DNAH3: variants seen among roughly 807,000 people sequenced by gnomAD.
The protein encoded by DNAH3 is dynein axonemal heavy chain 3, also known as axonemal beta dynein heavy chain 3.
A neutral mutation model predicts 432.5 loss-of-function variants in DNAH3; 332 were observed. The ratio of observed to expected loss-of-function variants is 0.77; its 90% confidence interval spans 0.70 to 0.84. The LOEUF is 0.84. Ranked by LOEUF, DNAH3 falls within the 40% of genes least tolerant of loss-of-function variation. DNAH3 has a pLI of 0.00. For missense variants in DNAH3, 4,861 were observed against 5,114.0 expected, an observed-to-expected ratio of 0.95 and a Z score of 1.51; for synonymous variants, 1,956 against 1,900.2, an observed-to-expected ratio of 1.03 and a Z score of -0.76.
chr16:21,060,445 C>T (rs1319141553), intron 25 of DNAH3, 89 bp from the exon 26 acceptor site: 26 of 911,942 alleles, frequency 2.9e-5, no homozygotes, highest in South Asian at 1.1e-4. Flanking sequence ...TCTCTGGACA[C>T]GGCTGGAGGG....
At chr16:20,951,703 G>C (rs1285664172) in intron 56 of DNAH3, among the ~76,000 whole-genome samples, 3 of 148,746 alleles carry the variant, frequency 2.0e-5, no homozygotes, top group Non-Finnish European at 3.0e-5. Context: ...CCAAAGTGCT[G>C]GGATTACAGG....
intron 44 of DNAH3, among the ~76,000 whole-genome samples, chr16:20,992,919 G>T (rs975295518): frequency 3.3e-5 from 5 of 152,088 alleles, no homozygotes; most frequent in Non-Finnish European, 5.9e-5. Flanking sequence ...AGGCTGGAGC[G>T]TAGTGGTGTG....
At chr16:21,127,121 A>G (rs189281461) in intron 8 of DNAH3, among the ~76,000 whole-genome samples, 132 of 152,118 alleles carry the variant, frequency 8.7e-4, no homozygotes, top group African/African-American at 3.1e-3. Flanking sequence ...TGTGGCCAAA[A>G]TGGGTGGGGA....
At chr16:21,133,697 G>A (rs1009897391) in intron 7 of DNAH3, among the ~76,000 whole-genome samples, 1 of 152,078 alleles carries the variant, frequency 6.6e-6, no homozygotes, top group Non-Finnish European at 1.5e-5. Flanking sequence ...CCAAGATCGC[G>A]CCATTGCACT....
At chr16:21,061,394 C>G (rs374579037) in intron 25 of DNAH3, among the ~76,000 whole-genome samples, 6 of 151,756 alleles carry the variant, frequency 4.0e-5, no homozygotes, top group Admixed American at 2.6e-4. Flanking sequence ...GCCACTACAC[C>G]TGGCTTTTTA....
exon 43 of DNAH3, chr16:21,000,438 T>C: frequency 6.2e-7 from 1 of 1,614,032 alleles, no homozygotes; most frequent in African/African-American, 1.3e-5. Flanking sequence ...CGAACAGCAT[T>C]GGAATCTCAT....
chr16:20,994,730 G>A (rs1639268931), intron 44 of DNAH3, among the ~76,000 whole-genome samples: 1 of 152,026 alleles, frequency 6.6e-6, no homozygotes, highest in Non-Finnish European at 1.5e-5. Flanking sequence ...CCTCGTATAA[G>A]TGGAATCATA....
intron 44 of DNAH3, among the ~76,000 whole-genome samples, chr16:20,989,970 T>TTG (rs2086469430): frequency 6.6e-6 from 1 of 152,158 alleles, no homozygotes; most frequent in Non-Finnish European, 1.5e-5. Flanking sequence ...CACCCGGAAC[T>TTG]CCAGCTGGCC....
chr16:20,982,792 G>A, exon 49 of DNAH3: 1 of 1,614,186 alleles, frequency 6.2e-7, no homozygotes, highest in South Asian at 1.1e-5. Context: ...GGGCATCTGT[G>A]GGCCAGGACT....
At chr16:20,964,568 A>C in exon 53 of DNAH3, 1 of 1,614,208 alleles carries the variant, frequency 6.2e-7, no homozygotes, top group Non-Finnish European at 8.5e-7. Flanking sequence ...CTATCAGAGA[A>C]CTTGATGACA....
At chr16:20,942,580 A>G (rs1177214025) in intron 58 of DNAH3, among the ~76,000 whole-genome samples, 1 of 152,164 alleles carries the variant, frequency 6.6e-6, no homozygotes, top group Non-Finnish European at 1.5e-5. Context: ...AGCAAATTCT[A>G]CAGTTGGGAG....
chr16:20,992,314 T>G (rs1272993630), intron 44 of DNAH3, among the ~76,000 whole-genome samples: 1 of 152,178 alleles, frequency 6.6e-6, no homozygotes, highest in Non-Finnish European at 1.5e-5. Context: ...ATCTGGTATA[T>G]CAAGACTTTA....
chr16:21,075,448 G>A (rs1403876663), exon 21 of DNAH3: 1 of 1,609,660 alleles, frequency 6.2e-7, no homozygotes, highest in Middle Eastern at 1.7e-4. Flanking sequence ...GAGACTCACA[G>A]TGTCCCTGTA....
chr16:20,996,287 G>A (rs533480852), intron 44 of DNAH3, among the ~76,000 whole-genome samples: 68 of 152,256 alleles, frequency 4.5e-4, no homozygotes, highest in Non-Finnish European at 2.8e-4. Context: ...ATACTGATAC[G>A]TGTAGATTTT....
At chr16:21,128,691 T>TA (rs11074482) in intron 7 of DNAH3, among the ~76,000 whole-genome samples, 33,545 of 138,418 alleles carry the variant, frequency 0.24, 4,150 homozygotes, top group African/African-American at 0.32. Flanking sequence ...GAGACTCGTC[T>TA]AAAAAAAAAA....
At chr16:21,099,293 A>G (rs916271765) in intron 16 of DNAH3, among the ~76,000 whole-genome samples, 6 of 146,426 alleles carry the variant, frequency 4.1e-5, no homozygotes, top group Non-Finnish European at 7.6e-5. Context: ...TGGATGGATG[A>G]ATGGATGGAT....
chr16:20,975,325 C>T, exon 51 of DNAH3: 2 of 1,614,178 alleles, frequency 1.2e-6, no homozygotes, highest in East Asian at 2.2e-5. Context: ...CTCGTCTCCG[C>T]TTCAATTTTC....
intron 8 of DNAH3, among the ~76,000 whole-genome samples, chr16:21,127,475 C>T (rs1392792805): frequency 1.3e-5 from 2 of 151,630 alleles, no homozygotes; most frequent in Non-Finnish European, 2.9e-5. Context: ...GCAGGATAAT[C>T]GCTTGAACCC....
intron 28 of DNAH3, among the ~76,000 whole-genome samples, chr16:21,054,137 G>A (rs939266577): frequency 6.6e-6 from 1 of 152,166 alleles, no homozygotes; most frequent in Non-Finnish European, 1.5e-5. Flanking sequence ...GGCTAGCCAA[G>A]GAAATGATTC....
Sources: allele counts gnomAD v4.1 joint callset (sites outside exome capture counted in the v4.1 genomes callset), GRCh38; gene constraint gnomAD v4.1.1; transcripts MANE v1.5; gene names NCBI Gene and HGNC (gene_info 2026-07-23, HGNC 2026-07-21).